The following ZC3H3 variants were observed in gnomAD, a reference collection of about 807,000 sequenced individuals.
ZC3H3 encodes zinc finger CCCH-type containing 3, also known as zinc finger CCCH domain-containing protein 3.
A neutral mutation model predicts 77.3 loss-of-function variants in ZC3H3; 36 were observed. The observed-to-expected ratio is 0.47, with a 90% CI of 0.36 to 0.61. ZC3H3 has a LOEUF of 0.61. Among genes scored for constraint, ZC3H3 ranks in the 20% least tolerant of loss-of-function variants. The pLI is 0.00. For synonymous variants in ZC3H3, 626 were observed against 555.2 expected, an observed-to-expected ratio of 1.13 and a Z score of -1.79; for missense variants, 1,331 against 1,312.2, an observed-to-expected ratio of 1.01 and a Z score of -0.22.
At chr8:143,518,731 C>T (rs377017675) in intron 3 of ZC3H3, among the ~76,000 whole-genome samples, 9 of 152,214 alleles carry the variant, frequency 5.9e-5, no homozygotes, top group African/African-American at 1.9e-4. Flanking sequence ...GAGCCACAAT[C>T]GCAGTCTCAG....
intron 9 of ZC3H3, among the ~76,000 whole-genome samples, chr8:143,444,612 G>T (rs1819821403): frequency 6.6e-6 from 1 of 152,162 alleles, no homozygotes; most frequent in Non-Finnish European, 1.5e-5. Context: ...TAAAAGAGAA[G>T]AATCATATGA....
intron 4 of ZC3H3, among the ~76,000 whole-genome samples, chr8:143,499,619 C>G (rs978443755): frequency 1.1e-4 from 16 of 151,918 alleles, no homozygotes; most frequent in African/African-American, 3.9e-4. Context: ...GCATTCAGGG[C>G]CGCCCTTGAA....
At chr8:143,540,525 C>T (rs752809999) in intron 1 of ZC3H3, among the ~76,000 whole-genome samples, 1 of 152,198 alleles carries the variant, frequency 6.6e-6, no homozygotes, top group Non-Finnish European at 1.5e-5. Context: ...CCACTGCGTC[C>T]GAACATGGAT....
chr8:143,490,092 G>A (rs1269865342), intron 4 of ZC3H3, among the ~76,000 whole-genome samples: 2 of 152,214 alleles, frequency 1.3e-5, no homozygotes, highest in Non-Finnish European at 2.9e-5. Flanking sequence ...GACACACAGG[G>A]CCCTGGCAGG....
At chr8:143,501,700 G>C (rs1821530664) in intron 4 of ZC3H3, among the ~76,000 whole-genome samples, 1 of 150,746 alleles carries the variant, frequency 6.6e-6, no homozygotes, top group South Asian at 2.1e-4. Context: ...TCTGACTACA[G>C]GTGTGAGCCA....
chr8:143,440,452 C>T (rs1191624610), intron 10 of ZC3H3, 89 bp from the exon 11 acceptor site: 5 of 1,456,946 alleles, frequency 3.4e-6, no homozygotes, highest in African/African-American at 1.4e-5. Context: ...CTGCTTCCTG[C>T]TCCCGTGGCC....
In ZC3H3 at chr8:143,494,114, GCCATCC is replaced by G. The variant is rs1211385275; in HGVS notation, c.1715+13626_1715+13631del. Among the ~76,000 whole-genome samples the G allele has an allele frequency of 6.6e-6, 1 of 152,118 alleles. No homozygotes were observed. Among genetic ancestry groups the G allele is most frequent in the East Asian group, 1.9e-4 (1 of 5,180 alleles). On this transcript the variant is annotated intron_variant, in intron 4 of 11. Transcript: ENST00000262577. This position sits in a 1 kb window ranked among gnomAD's most constrained non-coding sequence, Gnocchi z 5.3. ...TGGGAGGGGAAGGGGAGCGCTGAGG[GCCATCC>G]CCACAGGCCTCCCCAGGGCCAGGAT... is the stretch of plus-strand genomic sequence containing the variant.
At chr8:143,457,910 C>T (rs1489907881) in intron 9 of ZC3H3, among the ~76,000 whole-genome samples, 2 of 151,922 alleles carry the variant, frequency 1.3e-5, no homozygotes, top group Non-Finnish European at 2.9e-5. Flanking sequence ...ATAATCTAAG[C>T]TCCCATTTCA....
intron 5 of ZC3H3, among the ~76,000 whole-genome samples, chr8:143,469,785 C>G (rs1820512842): frequency 1.3e-5 from 2 of 152,210 alleles, no homozygotes; most frequent in Non-Finnish European, 2.9e-5. Flanking sequence ...GTGGGCAGGG[C>G]AGGACCAGCC....
intron 9 of ZC3H3, among the ~76,000 whole-genome samples, chr8:143,454,995 A>G (rs1820077508): frequency 6.6e-6 from 1 of 152,092 alleles, no homozygotes; most frequent in Non-Finnish European, 1.5e-5. Flanking sequence ...TCCTTTAGGT[A>G]AAAAGGTCAA....
rs767153451 is a variant in ZC3H3, at chr8:143,438,022, G to T, written c.*34C>A. Reference sequence around the variant, plus strand: ...GCCTCTTTCCTCTCCAAGGATGAGGGTCTGAGGTAGGTGCAGGCCGGTCCC... The same window carrying T: ...GCCTCTTTCCTCTCCAAGGATGAGGTTCTGAGGTAGGTGCAGGCCGGTCCC... On this transcript the variant is annotated 3_prime_UTR_variant, in exon 12 of 12. Transcript: ENST00000262577. The T allele has an allele frequency of 1.2e-6, 2 of 1,604,574 alleles. No homozygotes were observed. Among genetic ancestry groups the T allele is most frequent in the Non-Finnish European group, 1.7e-6 (2 of 1,175,898 alleles).
intron 3 of ZC3H3, among the ~76,000 whole-genome samples, chr8:143,532,238 A>G (rs1044882188): frequency 2.0e-5 from 3 of 146,382 alleles, no homozygotes; most frequent in African/African-American, 7.5e-5. Flanking sequence ...CGATTACCAA[A>G]AAAGGGTGGA....
chr8:143,519,695 C>T (rs111806078), intron 3 of ZC3H3, among the ~76,000 whole-genome samples: 24 of 152,284 alleles, frequency 1.6e-4, no homozygotes, highest in Non-Finnish European at 3.1e-4. Context: ...GCAAGCGGCC[C>T]GCCTCACCTT....
intron 4 of ZC3H3, chr8:143,484,436 A>T (rs1820994589): frequency 6.5e-6 from 1 of 153,696 alleles, no homozygotes; most frequent in Non-Finnish European, 1.4e-5. Flanking sequence ...TATTTCGATC[A>T]ATGGATGCAT....
chr8:143,515,882 A>T (rs950652404), intron 3 of ZC3H3, among the ~76,000 whole-genome samples: 1 of 152,140 alleles, frequency 6.6e-6, no homozygotes, highest in African/African-American at 2.4e-5. Context: ...ATGTGGGCAG[A>T]CCCCTGGCTG....
Position 143,475,412 on chromosome 8 carries a change from G to T in ZC3H3, c.1889C>A (p.Pro630His), listed in dbSNP as rs149988955. 233 of 1,612,670 alleles carry T rather than the reference G, an allele frequency of 1.4e-4. 2 individuals are homozygous for T. The Middle Eastern group carries it at 1.5e-3, about 10-fold the overall frequency. The change falls in exon 5 of 12, where the codon CCC (proline) becomes CAC (histidine). Residue 630 changes from proline to histidine, a missense_variant. This residue lies in a region of ZC3H3 where 978 missense variants were observed against 915.5 expected (regional missense o/e 1.07). Coordinates refer to ENST00000262577, the MANE Select transcript of ZC3H3 (RefSeq NM_015117.3). ...SGQPSDAGSR[P>H]LLRTGRLDPA... is the part of the protein sequence containing the mutation. ...TCACCTCTCACCTGTGCGCAGGAGGGGCCTGCTGCCCGCATCACTGGGCTG... is the reference window on the plus strand; with the variant it reads ...TCACCTCTCACCTGTGCGCAGGAGGTGCCTGCTGCCCGCATCACTGGGCTG...
intron 3 of ZC3H3, among the ~76,000 whole-genome samples, chr8:143,509,418 C>T (rs2924505): frequency 0.028 from 4,243 of 152,346 alleles, 178 homozygotes; most frequent in African/African-American, 0.096. Flanking sequence ...GCTCCTGCCC[C>T]ACCTGGGCCA....
intron 5 of ZC3H3, 53 bp downstream of exon 5, chr8:143,475,345 C>T: frequency 1.3e-6 from 2 of 1,569,310 alleles, no homozygotes; most frequent in Non-Finnish European, 1.7e-6. Flanking sequence ...CAATGCCCAC[C>T]ACACGCTAGC....
At chr8:143,474,930 G>A (rs1391599102) in intron 5 of ZC3H3, among the ~76,000 whole-genome samples, 1 of 152,232 alleles carries the variant, frequency 6.6e-6, no homozygotes, top group Non-Finnish European at 1.5e-5. Flanking sequence ...GGCCCCAGGT[G>A]TGCGCTCGCC....
Sources: allele counts gnomAD v4.1 joint callset (sites outside exome capture counted in the v4.1 genomes callset), GRCh38; gene constraint gnomAD v4.1.1; regional missense constraint gnomAD v4.1.1; non-coding constraint Gnocchi (gnomAD v3.1); transcripts MANE v1.5; gene names NCBI Gene and HGNC (gene_info 2026-07-23, HGNC 2026-07-21).